EML4: variants seen among roughly 807,000 people sequenced by gnomAD.
The protein encoded by EML4 is EMAP like 4.
A neutral mutation model predicts 129.0 loss-of-function variants in EML4; 72 were observed. The observed-to-expected ratio is 0.56, with a 90% CI of 0.46 to 0.68. The LOEUF (loss-of-function observed/expected upper bound fraction) is 0.68, where lower values mean the gene tolerates loss of function less well. EML4 is among the 30% of genes least tolerant of loss of function. EML4 has a pLI of 0.00. For missense variants in EML4, 1,363 were observed against 1,190.6 expected, an observed-to-expected ratio of 1.14 and a Z score of -2.13; for synonymous variants, 532 against 405.0, an observed-to-expected ratio of 1.31 and a Z score of -3.77.
intron 1 of EML4, among the ~76,000 whole-genome samples, chr2:42,204,744 C>T (rs1348641508): frequency 6.6e-6 from 1 of 152,014 alleles, no homozygotes; most frequent in Admixed American, 6.6e-5. Context: ...GTTTTTTCTC[C>T]CTACTAGGAT....
chr2:42,303,310 T>A lies in EML4; in HGVS notation c.1768-5T>A. 1 of 1,614,150 alleles carries A rather than the reference T, an allele frequency of 6.2e-7. No homozygotes were observed. Among genetic ancestry groups the A allele is most frequent in the Non-Finnish European group, 8.5e-7 (1 of 1,180,002 alleles). On this transcript the variant is annotated splice_region_variant and splice_polypyrimidine_tract_variant and intron_variant, in intron 15 of 22. Coordinates refer to ENST00000318522, the MANE Select transcript of EML4 (RefSeq NM_019063.5). ...CTTATAACAATGAGTGTCTTTCATT[T>A]TCAGGGTCATACAGATGAGCTTTGG...
In EML4 at chr2:42,171,864, G is replaced by T. The variant is rs147433200; in HGVS notation, c.25+2228G>T. On this transcript the variant is annotated intron_variant, in intron 1 of 22. Coordinates refer to ENST00000318522, the MANE Select transcript of EML4 (RefSeq NM_019063.5). ...CCATCTTAATTGAAACCTTAAAGGG[G>T]TGGGGGAGGAGTAGTGCTGGTATAT... 4.8e-3 allele frequency among the ~76,000 whole-genome samples: 727 copies of T among 152,280 alleles called. 2 individuals are homozygous for T. The highest frequency in any genetic ancestry group is 8.2e-3 in the Admixed American group (126 of 15,290).
intron 2 of EML4, among the ~76,000 whole-genome samples, chr2:42,246,922 T>G (rs1378934188): frequency 6.6e-5 from 10 of 152,152 alleles, no homozygotes; most frequent in Non-Finnish European, 1.5e-5. Context: ...GTAATAGAAC[T>G]GCAAATCAAA....
rs1359866061 is a variant in EML4 at position 42,331,474 on chromosome 2, G to A, written c.*1267G>A. 4.5e-6 allele frequency: 1 copy of A among 223,178 alleles called. No homozygotes were observed. Among genetic ancestry groups the A allele is most frequent in the Non-Finnish European group, 9.0e-6 (1 of 111,556 alleles). The allele number at this position is 223,178 out of a possible 1,614,324, so 13.8% of individuals were successfully genotyped here. ...ATTTCCTACTTTAAGAGTAATTACT[G>A]ACAAATATGTATTTCCTATATGTTT... On this transcript the variant is annotated 3_prime_UTR_variant, in exon 23 of 23. Transcript: ENST00000318522.
chr2:42,251,026 T>A (rs1180829561), intron 2 of EML4, among the ~76,000 whole-genome samples: 1 of 152,186 alleles, frequency 6.6e-6, no homozygotes, highest in Non-Finnish European at 1.5e-5. Flanking sequence ...GCCACTGATC[T>A]GACAGGAGGC....
chr2:42,292,755 G>A (rs1022466926), intron 11 of EML4, among the ~76,000 whole-genome samples: 2 of 151,510 alleles, frequency 1.3e-5, no homozygotes, highest in South Asian at 4.1e-4. Context: ...ATATATATAT[G>A]TATATAAAAT....
intron 1 of EML4, among the ~76,000 whole-genome samples, chr2:42,184,938 A>G (rs1671158366): frequency 6.6e-6 from 1 of 152,204 alleles, no homozygotes; most frequent in African/African-American, 2.4e-5. Flanking sequence ...TCCAGTGCCT[A>G]ACCGCTTTGG....
At chr2:42,214,346 G>T (rs929772356) in intron 1 of EML4, among the ~76,000 whole-genome samples, 6 of 152,100 alleles carry the variant, frequency 3.9e-5, no homozygotes. Flanking sequence ...TAAGGCGTTT[G>T]TATATTTGAA....
chr2:42,303,467 T>C (rs2103727926), intron 16 of EML4, 21 bp downstream of exon 16: 1 of 1,608,712 alleles, frequency 6.2e-7, no homozygotes, highest in East Asian at 2.2e-5. Flanking sequence ...CAGGATGTGA[T>C]TATTAACCTC....
intron 13 of EML4, among the ~76,000 whole-genome samples, chr2:42,298,281 C>T (rs1668069204): frequency 6.6e-6 from 1 of 152,116 alleles, no homozygotes; most frequent in South Asian, 2.1e-4. Flanking sequence ...ATTTGGCAGG[C>T]AGTGTAAACT....
At chr2:42,191,873 G>A (rs1241690948) in intron 1 of EML4, among the ~76,000 whole-genome samples, 2 of 152,134 alleles carry the variant, frequency 1.3e-5, no homozygotes, top group Non-Finnish European at 2.9e-5. Context: ...GCCGGGCACG[G>A]TGGCTCACAC....
At chr2:42,329,707 C>G in intron 22 of EML4, 27 bp from the exon 23 acceptor site, 1 of 1,582,600 alleles carries the variant, frequency 6.3e-7, no homozygotes, top group Non-Finnish European at 8.7e-7. Context: ...GTTTAATTTT[C>G]CTGTCTGTCT....
Position 42,213,582 on chromosome 2 carries a change from C to CA in EML4, c.26-31922dup, listed in dbSNP as rs1375851837. On this transcript the variant is annotated intron_variant, in intron 1 of 22. Transcript: ENST00000318522. ...ATTGCATACTTTTATGTACTATTTA[C>CA]ATAAGCATTCAGATTGCAGATGTGT... Among the ~76,000 whole-genome samples, 9 of 152,308 alleles carry CA rather than the reference C, an allele frequency of 5.9e-5. No individual in the cohort carries two copies. In the East Asian group the frequency reaches 1.3e-3, roughly 23 times the overall value.
At position 42,303,241 on chromosome 2, in the gene EML4, G is replaced by C; in HGVS notation, c.1767+12G>C. The C allele has an allele frequency of 6.2e-7, 1 of 1,614,106 alleles. No individual in the cohort carries two copies. Among genetic ancestry groups the C allele is most frequent in the Non-Finnish European group, 8.5e-7 (1 of 1,180,004 alleles). ...AAATAGAAGTACAGGTAAGCTGTGT[G>C]ATATTAACCGTTAACTGAATATTTT... On this transcript the variant is annotated intron_variant, in intron 15 of 22. Coordinates refer to ENST00000318522, the MANE Select transcript of EML4 (RefSeq NM_019063.5).
chr2:42,170,655 G>C (rs760928245), intron 1 of EML4, among the ~76,000 whole-genome samples: 3 of 152,254 alleles, frequency 2.0e-5, no homozygotes, highest in Admixed American at 2.0e-4. Context: ...AAGTTCAACT[G>C]TTAGAATGGT....
At chr2:42,248,475 T>C (rs1224876161) in intron 2 of EML4, among the ~76,000 whole-genome samples, 1 of 152,224 alleles carries the variant, frequency 6.6e-6, no homozygotes, top group African/African-American at 2.4e-5. Context: ...TAACTAGCTA[T>C]AATTACTATT....
chr2:42,201,998 G>T (rs1475842715), intron 1 of EML4, among the ~76,000 whole-genome samples: 1 of 151,866 alleles, frequency 6.6e-6, no homozygotes, highest in African/African-American at 2.4e-5. Flanking sequence ...CAGGAGACTC[G>T]CTTGAACTCG....
chr2:42,224,377 CTG>C (rs1408543254), intron 1 of EML4, among the ~76,000 whole-genome samples: 1 of 152,118 alleles, frequency 6.6e-6, no homozygotes, highest in African/African-American at 2.4e-5. Flanking sequence ...GCATGTATCA[CTG>C]TTTCGTTCTT....
chr2:42,197,591 A>G (rs1671971338), intron 1 of EML4, among the ~76,000 whole-genome samples: 1 of 152,172 alleles, frequency 6.6e-6, no homozygotes, highest in Non-Finnish European at 1.5e-5. Flanking sequence ...AATGGTGTAA[A>G]CTCAACATAA....
Sources: allele counts gnomAD v4.1 joint callset (sites outside exome capture counted in the v4.1 genomes callset), GRCh38; gene constraint gnomAD v4.1.1; transcripts MANE v1.5; gene names NCBI Gene and HGNC (gene_info 2026-07-23, HGNC 2026-07-21).